FBXL7: variants seen among roughly 807,000 people sequenced by gnomAD.
The protein encoded by FBXL7 is F-box/LRR-repeat protein 7.
FBXL7 carries 12 observed loss-of-function variants against 38.3 expected under a neutral mutation model. The ratio of observed to expected loss-of-function variants is 0.31; its 90% CI spans 0.20 to 0.51. The LOEUF is 0.51. Ranked by LOEUF, FBXL7 falls within the 20% of genes least tolerant of loss-of-function variation. The pLI, the probability that FBXL7 is intolerant of heterozygous loss-of-function variation, is 0.98. For synonymous variants in FBXL7, 297 were observed against 300.9 expected (o/e 0.99, Z 0.13); for missense variants, 567 against 676.4 (o/e 0.84, Z 1.79).
At chr5:15,861,267 C>A (rs937269982) in intron 2 of FBXL7, among the ~76,000 whole-genome samples, 3 of 152,174 alleles carry the variant, frequency 2.0e-5, no homozygotes, top group African/African-American at 7.2e-5. Flanking sequence ...AAGGATATTA[C>A]CAGAATGACT....
chr5:15,630,949 G>A (rs74394907), intron 2 of FBXL7, among the ~76,000 whole-genome samples: 4,157 of 151,858 alleles, frequency 0.027, 192 homozygotes, highest in African/African-American at 0.096. Flanking sequence ...TTTTTTGTGA[G>A]GAGTAAATTA....
Position 15,937,917 on chromosome 5 carries a change from G to A in FBXL7, c.*731G>A, listed in dbSNP as rs1742244716. 1 of 152,222 alleles carries A rather than the reference G, an allele frequency of 6.6e-6. No homozygotes were observed. Among genetic ancestry groups the A allele is most frequent in the African/African-American group, 2.4e-5 (1 of 41,428 alleles). The allele number at this position is 152,222 out of a possible 1,614,324, so 9.4% of individuals were successfully genotyped here. A position where few individuals can be genotyped will look rare whatever the true frequency, so the allele number is the denominator to read the frequency against. On this transcript the variant is annotated 3_prime_UTR_variant, in exon 4 of 4. Coordinates refer to ENST00000504595, the MANE Select transcript of FBXL7 (RefSeq NM_012304.5). ...TCATGTCCATTATAGCATTGAGGGAGCAGAGATACCCATACACAGAAGCAC... is the reference window on the plus strand; with the variant it reads ...TCATGTCCATTATAGCATTGAGGGAACAGAGATACCCATACACAGAAGCAC...
At chr5:15,934,332 TAC>T (rs1295035812) in intron 3 of FBXL7, among the ~76,000 whole-genome samples, 1 of 152,200 alleles carries the variant, frequency 6.6e-6, no homozygotes, top group Admixed American at 6.5e-5. Flanking sequence ...TTGCAAAAAT[TAC>T]AGTTACTTTT....
intron 2 of FBXL7, among the ~76,000 whole-genome samples, chr5:15,633,335 A>G (rs546494341): frequency 7.9e-5 from 12 of 152,314 alleles, no homozygotes; most frequent in South Asian, 2.1e-4. Context: ...TCAAAATTCA[A>G]TTATTTGATT....
chr5:15,812,267 T>G (rs1737885246), intron 2 of FBXL7, among the ~76,000 whole-genome samples: 1 of 152,052 alleles, frequency 6.6e-6, no homozygotes, highest in Admixed American at 6.6e-5. Context: ...ATGTTCTCAC[T>G]CATAAGTGGG....
intron 2 of FBXL7, among the ~76,000 whole-genome samples, chr5:15,695,465 C>G (rs942922856): frequency 6.6e-6 from 1 of 152,152 alleles, no homozygotes; most frequent in African/African-American, 2.4e-5. Flanking sequence ...CAGAGCCTCA[C>G]CCAGTTCCCA....
chr5:15,851,066 C>A (rs944672017), intron 2 of FBXL7, among the ~76,000 whole-genome samples: 1 of 152,180 alleles, frequency 6.6e-6, no homozygotes, highest in African/African-American at 2.4e-5. Context: ...GAGATGCAGC[C>A]TTTCTTGATA....
intron 2 of FBXL7, among the ~76,000 whole-genome samples, chr5:15,701,407 T>C (rs1253695180): frequency 6.6e-6 from 1 of 152,232 alleles, no homozygotes; most frequent in Non-Finnish European, 1.5e-5. Flanking sequence ...TTACCAGCTA[T>C]TCATCAGCAG....
rs1740100974 is a variant in FBXL7 at position 15,874,218 on chromosome 5, AG to A, written c.128-53671del. The stretch of plus-strand genomic sequence containing the variant: ...GAAAAAGCCTTTGACAAAATTCAAC[AG>A]CCCTTCATGCTAAAAACACACAATA... On this transcript the variant is annotated intron_variant, in intron 2 of 3. Transcript: ENST00000504595. 2.0e-5 allele frequency among the ~76,000 whole-genome samples: 3 copies of A among 152,246 alleles called. No individual in the cohort carries two copies. In the South Asian group the frequency reaches 6.2e-4, roughly 31 times the overall value.
At chr5:15,648,747 C>T (rs550715939) in intron 2 of FBXL7, among the ~76,000 whole-genome samples, 4 of 152,162 alleles carry the variant, frequency 2.6e-5, no homozygotes, top group African/African-American at 7.2e-5. Flanking sequence ...AGCCTTATGC[C>T]GTGTTGAAGA....
At chr5:15,523,416 G>A (rs1048874566) in intron 1 of FBXL7, among the ~76,000 whole-genome samples, 11 of 152,196 alleles carry the variant, frequency 7.2e-5, no homozygotes, top group Admixed American at 6.5e-4. Flanking sequence ...AAAATTAGCT[G>A]GGTGTGGTGG....
chr5:15,648,466 A>C (rs1457506686), intron 2 of FBXL7, among the ~76,000 whole-genome samples: 2 of 152,220 alleles, frequency 1.3e-5, no homozygotes, highest in African/African-American at 4.8e-5. Flanking sequence ...CCAGTAGCAT[A>C]ACATGGCTAT....
chr5:15,781,751 A>G (rs1736999013), intron 2 of FBXL7, among the ~76,000 whole-genome samples: 2 of 152,164 alleles, frequency 1.3e-5, no homozygotes, highest in Admixed American at 6.5e-5. Flanking sequence ...ACCTCTCTTG[A>G]TAAGTATTGC....
intron 1 of FBXL7, among the ~76,000 whole-genome samples, chr5:15,515,206 G>A (rs577348671): frequency 6.6e-6 from 1 of 152,202 alleles, no homozygotes; most frequent in Non-Finnish European, 1.5e-5. Flanking sequence ...GGAGCCTTCA[G>A]CTGACAGTTA....
chr5:15,915,252 G>T (rs1222484026), intron 2 of FBXL7, among the ~76,000 whole-genome samples: 1 of 152,222 alleles, frequency 6.6e-6, no homozygotes, highest in East Asian at 1.9e-4. Context: ...CTGGGCTGCT[G>T]TAACAAAATA....
chr5:15,618,441 A>G (rs1391965743), intron 2 of FBXL7, among the ~76,000 whole-genome samples: 2 of 152,212 alleles, frequency 1.3e-5, no homozygotes, highest in Non-Finnish European at 2.9e-5. Flanking sequence ...TTAAAACAAA[A>G]TATTAAAAAA....
At chr5:15,510,588 G>A (rs1736767659) in intron 1 of FBXL7, among the ~76,000 whole-genome samples, 1 of 152,092 alleles carries the variant, frequency 6.6e-6, no homozygotes, top group Admixed American at 6.6e-5. Flanking sequence ...AAGGAGAGGA[G>A]AGAAGAGGAC....
intron 2 of FBXL7, among the ~76,000 whole-genome samples, chr5:15,774,510 C>T (rs1736811320): frequency 6.6e-6 from 1 of 152,148 alleles, no homozygotes; most frequent in South Asian, 2.1e-4. Flanking sequence ...TGGCCTTGGT[C>T]CTCAGAATCT....
intron 2 of FBXL7, among the ~76,000 whole-genome samples, chr5:15,750,250 A>G (rs1041620596): frequency 1.4e-4 from 21 of 152,232 alleles, no homozygotes; most frequent in African/African-American, 5.1e-4. Context: ...TAATAACTAT[A>G]CACTGTAAGT....
Sources: gnomAD v4.1 joint callset for allele counts (sites outside exome capture counted in the v4.1 genomes callset) on GRCh38, gnomAD v4.1.1 for gene constraint, MANE v1.5 for transcripts, NCBI Gene and HGNC (gene_info 2026-07-23, HGNC 2026-07-21) for gene names.